Variants in SNRNP70 observed in about 807,000 individuals in gnomAD.
SNRNP70 encodes small nuclear ribonucleoprotein U1 subunit 70, also known as U1 small nuclear ribonucleoprotein 70 kDa.
SNRNP70 carries 8 observed loss-of-function variants against 50.5 expected under a neutral mutation model. The observed-to-expected ratio is 0.16, with a 90% CI of 0.09 to 0.29. The LOEUF is 0.29. Ranked by LOEUF, SNRNP70 falls within the 10% of genes least tolerant of loss-of-function variation. The pLI is 1.00. For missense variants in SNRNP70, 529 were observed against 663.5 expected (o/e 0.80, Z 2.23); for synonymous variants, 320 against 252.9 (o/e 1.27, Z -2.52).
At position 49,107,559 on chromosome 19, in the gene SNRNP70, T is replaced by A. The variant is rs2040688521; in HGVS notation, c.578-66T>A. The A allele has an allele frequency of 4.7e-6, 7 of 1,497,702 alleles. No homozygotes were observed. Among genetic ancestry groups the A allele is most frequent in the Non-Finnish European group, 6.5e-6 (7 of 1,076,488 alleles). 92.8% of individuals were successfully genotyped at this position (1,497,702 alleles called of 1,614,324 possible). A position where few individuals can be genotyped will look rare whatever the true frequency, so the allele number is the denominator to read the frequency against. ...CCTGCCCTTTGCTCTTGGAGTCGGC[T>A]CATTTCTGCTCCTCCGGGCCCTGTC... On this transcript the variant is annotated intron_variant, in intron 8 of 9. Coordinates refer to ENST00000598441, the MANE Select transcript of SNRNP70 (RefSeq NM_003089.6). This position sits in a 1 kb window ranked among gnomAD's most constrained non-coding sequence, Gnocchi z 6.0.
Position 49,104,466 on chromosome 19 carries a change from G to C in SNRNP70, c.476-168G>C, listed in dbSNP as rs781495885. 8 of 619,820 alleles carry C rather than the reference G, an allele frequency of 1.3e-5. No homozygotes were observed. Among genetic ancestry groups the C allele is most frequent in the Non-Finnish European group, 2.3e-5 (8 of 340,854 alleles). The allele number at this position is 619,820 out of a possible 1,614,324, so 38.4% of individuals were successfully genotyped here. On this transcript the variant is annotated intron_variant, in intron 7 of 9. Coordinates refer to ENST00000598441, the MANE Select transcript of SNRNP70 (RefSeq NM_003089.6). The surrounding 1 kb of genome is among the most constrained non-coding windows in gnomAD (Gnocchi z 5.4). ...GCTGAGATGGAGCAGGCCCTTCACCGGTTTGGGAGAGGGTTGGTCTGGCTG... is the reference window on the plus strand; with the variant it reads ...GCTGAGATGGAGCAGGCCCTTCACCCGTTTGGGAGAGGGTTGGTCTGGCTG...
Position 49,101,411 on chromosome 19 carries a change from C to T in SNRNP70, c.415C>T (p.Arg139Trp). The change falls in exon 7 of 10, where the codon CGG becomes TGG. Residue 139 changes from arginine to tryptophan, a missense_variant. Arg to Trp is a moderately radical substitution (Grantham distance 101). Around this residue, in one of 4 missense-constraint regions of SNRNP70, gnomAD observed 149 missense variants for 259.7 expected, o/e 0.57. Coordinates refer to ENST00000598441, the MANE Select transcript of SNRNP70 (RefSeq NM_003089.6). ...IKRIHMVYSK[R>W]SGKPRGYAFI... ...ACAGATACACATGGTCTACAGTAAG[C>T]GGTCAGGAAAGCCCCGTGGCTATGC... 3.1e-6 allele frequency: 5 copies of T among 1,613,796 alleles called. No individual in the cohort carries two copies. Among genetic ancestry groups the T allele is most frequent in the Non-Finnish European group, 4.2e-6 (5 of 1,179,740 alleles).
intron 4 of SNRNP70, among the ~76,000 whole-genome samples, chr19:49,092,067 A>T (rs1159512954): frequency 6.6e-6 from 1 of 152,078 alleles, no homozygotes; most frequent in Non-Finnish European, 1.5e-5. Context: ...TAGACAACAC[A>T]GTCACAGTCT....
chr19:49,105,551 A>C (rs747410045), intron 8 of SNRNP70, among the ~76,000 whole-genome samples: 1 of 151,810 alleles, frequency 6.6e-6, no homozygotes, highest in Non-Finnish European at 1.5e-5. Context: ...AGATGTTGAA[A>C]CCGCATCTCT....
At chr19:49,089,433 C>T (rs945195692) in intron 2 of SNRNP70, among the ~76,000 whole-genome samples, 29 of 151,460 alleles carry the variant, frequency 1.9e-4, no homozygotes, top group Non-Finnish European at 3.4e-4. Context: ...GCCCAGATCG[C>T]GCCATTGCAC....
At position 49,107,894 on chromosome 19, in the gene SNRNP70, ACGCTCC is replaced by A. The variant is rs1244505864; in HGVS notation, c.774_779del (p.Ser259_Arg260del). On this transcript the variant is annotated inframe_deletion, in exon 10 of 10. Coordinates refer to ENST00000598441, the MANE Select transcript of SNRNP70 (RefSeq NM_003089.6). The surrounding 1 kb of genome is among the most constrained non-coding windows in gnomAD (Gnocchi z 6.0). The stretch of plus-strand genomic sequence containing the variant: ...AGCGAGACAAGGAGCGAGAACGGCG[ACGCTCC>A]CGCTCCCGGGACCGGCGGAGGCGCT... 1.2e-5 allele frequency: 18 copies of A among 1,547,042 alleles called. No homozygotes were observed. Among genetic ancestry groups the A allele is most frequent in the Middle Eastern group, 1.7e-4 (1 of 5,860 alleles).
At chr19:49,093,602 C>G (rs562511153) in intron 4 of SNRNP70, among the ~76,000 whole-genome samples, 1 of 141,706 alleles carries the variant, frequency 7.1e-6, no homozygotes, top group African/African-American at 2.6e-5. Context: ...TCCTTTGAAC[C>G]TGGGAGGCGG....
intron 4 of SNRNP70, among the ~76,000 whole-genome samples, chr19:49,095,975 CAAAAAAA>C: frequency 1.1e-5 from 1 of 91,920 alleles, no homozygotes; most frequent in African/African-American, 4.2e-5. Context: ...TTAGCTGGTG[CAAAAAAA>C]AAAAAAAAAA....
Position 49,108,216 on chromosome 19 carries a change from G to A in SNRNP70, c.1087G>A (p.Glu363Lys). The A allele has an allele frequency of 6.5e-7, 1 of 1,533,876 alleles. No individual in the cohort carries two copies. The highest frequency in any genetic ancestry group is 8.8e-7 in the Non-Finnish European group (1 of 1,139,424). The change falls in exon 10 of 10, where the codon GAG becomes AAG. Residue 363 changes from glutamate to lysine, a missense_variant. By Grantham distance (56) the Glu-to-Lys change is moderately conservative. Transcript: ENST00000598441. ...ACGGCGGAGCCACCGGAGCGAGCGC[G>A]AGCGGCGCCGGGACCGGGATCGTGA... Reference protein sequence around the residue: ...ERRRSHRSERERRRDRDRDRD... With the variant: ...ERRRSHRSERKRRRDRDRDRD...
chr19:49,090,532 A>T lies in SNRNP70; in HGVS notation c.265+12A>T, dbSNP rs752005147. ...AGAGCTTAAAATGTGTAAGTCTCTCATCCACCATTTGGCTCTCTCCTCTCC... is the reference window on the plus strand; with the variant it reads ...AGAGCTTAAAATGTGTAAGTCTCTCTTCCACCATTTGGCTCTCTCCTCTCC... On this transcript the variant is annotated intron_variant, in intron 4 of 9. Transcript: ENST00000598441. 5 of 1,613,366 alleles carry T rather than the reference A, an allele frequency of 3.1e-6. No individual in the cohort carries two copies. The African/African-American group carries it at 6.7e-5, about 22-fold the overall frequency.
intron 4 of SNRNP70, among the ~76,000 whole-genome samples, chr19:49,092,774 A>G (rs1600275644): frequency 6.6e-6 from 1 of 151,048 alleles, no homozygotes; most frequent in Non-Finnish European, 1.5e-5. Context: ...TTTTGGAAAA[A>G]CTTTAAAACT....
chr19:49,087,093 T>C (rs1359897587), intron 2 of SNRNP70, among the ~76,000 whole-genome samples: 1 of 145,338 alleles, frequency 6.9e-6, no homozygotes, highest in Non-Finnish European at 1.5e-5. Context: ...GGCACGGGAA[T>C]CACTTGAACC....
At chr19:49,101,934 C>G (rs1052586546) in intron 7 of SNRNP70, among the ~76,000 whole-genome samples, 7 of 151,932 alleles carry the variant, frequency 4.6e-5, no homozygotes, top group African/African-American at 1.7e-4. Context: ...GGCCCCCCAC[C>G]CTGTTCCTCA....
intron 8 of SNRNP70, among the ~76,000 whole-genome samples, chr19:49,105,117 C>T (rs773514177): frequency 6.6e-6 from 1 of 152,100 alleles, no homozygotes; most frequent in Non-Finnish European, 1.5e-5. Context: ...GTCACTCGCT[C>T]ATCTGCTTCT....
At chr19:49,091,319 G>T (rs2040444399) in intron 4 of SNRNP70, among the ~76,000 whole-genome samples, 1 of 151,450 alleles carries the variant, frequency 6.6e-6, no homozygotes, top group African/African-American at 2.4e-5. Flanking sequence ...CAGTGAGCCG[G>T]GATCGCGTCG....
chr19:49,088,293 C>A (rs958960417), intron 2 of SNRNP70, among the ~76,000 whole-genome samples: 3 of 147,820 alleles, frequency 2.0e-5, no homozygotes, highest in African/African-American at 7.5e-5. Context: ...AGCTCCGCCT[C>A]CCGGGTTCAT....
intron 4 of SNRNP70, among the ~76,000 whole-genome samples, chr19:49,092,194 C>T (rs539594721): frequency 1.5e-4 from 23 of 152,092 alleles, no homozygotes; most frequent in Non-Finnish European, 2.8e-4. Flanking sequence ...CTGCACCCTC[C>T]GCCTCCCAGG....
rs1421225330 is a variant in SNRNP70 at position 49,107,906 on chromosome 19, C to T, written c.777C>T (p.Ser259=). ...AGCGAGAACGGCGACGCTCCCGCTC[C>T]CGGGACCGGCGGAGGCGCTCACGGA... ...DKERERRRSR[S]RDRRRRSRSR... Residue 259 remains serine, a synonymous_variant, in exon 10 of 10, where the codon TCC becomes TCT. Coordinates refer to ENST00000598441, the MANE Select transcript of SNRNP70 (RefSeq NM_003089.6). The surrounding 1 kb of genome is among the most constrained non-coding windows in gnomAD (Gnocchi z 6.0). 1.9e-6 allele frequency: 3 copies of T among 1,548,268 alleles called. No individual in the cohort carries two copies. Among genetic ancestry groups the T allele is most frequent in the Non-Finnish European group, 1.7e-6 (2 of 1,146,744 alleles).
intron 4 of SNRNP70, among the ~76,000 whole-genome samples, chr19:49,094,543 C>T (rs1416630861): frequency 1.3e-5 from 2 of 152,046 alleles, no homozygotes; most frequent in African/African-American, 4.8e-5. Flanking sequence ...GAAACAAGTC[C>T]GTCCACGTGT....
Sources: gnomAD v4.1 joint callset for allele counts (sites outside exome capture counted in the v4.1 genomes callset) on GRCh38, gnomAD v4.1.1 for gene constraint, gnomAD v4.1.1 regional missense constraint, Gnocchi (gnomAD v3.1) non-coding constraint, MANE v1.5 for transcripts, NCBI Gene and HGNC (gene_info 2026-07-23, HGNC 2026-07-21) for gene names.